The following PTPRN2 variants were observed in gnomAD, a reference collection of about 807,000 sequenced individuals.
The protein encoded by PTPRN2 is protein tyrosine phosphatase receptor type N2.
PTPRN2 carries 74 observed loss-of-function variants against 118.8 expected under a neutral mutation model. That is an observed-to-expected ratio of 0.62 (90% CI 0.52 to 0.76). The LOEUF (loss-of-function observed/expected upper bound fraction) is 0.76. Among genes scored for constraint, PTPRN2 ranks in the 30% least tolerant of loss-of-function variants. PTPRN2 has a pLI of 0.00. For missense variants in PTPRN2, 1,481 were observed against 1,394.4 expected, an observed-to-expected ratio of 1.06 and a Z score of -0.99; for synonymous variants, 641 against 608.0, an observed-to-expected ratio of 1.05 and a Z score of -0.80.
At chr7:158,295,169 G>A (rs559993886) in intron 3 of PTPRN2, among the ~76,000 whole-genome samples, 4 of 137,428 alleles carry the variant, frequency 2.9e-5, no homozygotes, top group Admixed American at 1.5e-4. Flanking sequence ...CCCAGACACT[G>A]CACCACATCG....
intron 3 of PTPRN2, among the ~76,000 whole-genome samples, chr7:158,249,928 C>A (rs2150889189): frequency 6.6e-6 from 1 of 152,292 alleles, no homozygotes; most frequent in East Asian, 1.9e-4. Flanking sequence ...ATAAATGCAT[C>A]TGAGTGTAAT....
intron 1 of PTPRN2, among the ~76,000 whole-genome samples, chr7:158,491,250 C>G (rs929181160): frequency 1.3e-5 from 2 of 152,220 alleles, no homozygotes; most frequent in South Asian, 2.1e-4. Context: ...GCTTCACGAG[C>G]CTTCCACAGT....
rs1463821817 is a variant in PTPRN2 at position 157,571,471 on chromosome 7, C to T, written c.2806G>A (p.Gly936Ser). ...TGAACAATTATTGGACAAGAACGGC[C>T]CCTGTAGCACTTGTTTACTTTTCTG... Reference protein sequence around the residue: ...FRRKVNKCYRGRSCPIIVHCS... With the variant: ...FRRKVNKCYRSRSCPIIVHCS... Residue 936 changes from glycine (G) to serine (S), a missense_variant, in exon 20 of 23, where the codon GGC becomes AGC. Gly to Ser is a moderately conservative substitution (Grantham distance 56, BLOSUM62 0). Coordinates refer to ENST00000389418, the MANE Select transcript of PTPRN2 (RefSeq NM_002847.5). The T allele has an allele frequency of 2.5e-6, 4 of 1,609,378 alleles. No individual in the cohort carries two copies. Among genetic ancestry groups the T allele is most frequent in the Non-Finnish European group, 2.5e-6 (3 of 1,177,486 alleles).
At chr7:158,035,739 T>C (rs1221858577) in intron 11 of PTPRN2, among the ~76,000 whole-genome samples, 1 of 152,244 alleles carries the variant, frequency 6.6e-6, no homozygotes, top group African/African-American at 2.4e-5. Flanking sequence ...AAAATACTCA[T>C]ATATCTAACA....
chr7:158,056,060 T>C (rs1809762916), intron 11 of PTPRN2, among the ~76,000 whole-genome samples: 1 of 152,118 alleles, frequency 6.6e-6, no homozygotes, highest in African/African-American at 2.4e-5. Context: ...CTTGCTGCTT[T>C]TTTCAGTCTG....
chr7:158,310,930 G>T (rs1169982013), intron 3 of PTPRN2, among the ~76,000 whole-genome samples: 1 of 152,224 alleles, frequency 6.6e-6, no homozygotes, highest in Non-Finnish European at 1.5e-5. Context: ...ACACCCACCT[G>T]TGCTCACCAG....
chr7:158,102,117 C>A (rs984584978), intron 10 of PTPRN2, among the ~76,000 whole-genome samples: 13 of 152,138 alleles, frequency 8.5e-5, no homozygotes, highest in African/African-American at 3.1e-4. Context: ...CCAGGCAGCC[C>A]TCAGCCCACG....
chr7:158,338,608 C>A, intron 2 of PTPRN2, among the ~76,000 whole-genome samples: 2 of 44,696 alleles, frequency 4.5e-5, no homozygotes, highest in South Asian at 1.0e-3. Context: ...AGCTGAGGCC[C>A]ACAGAGGACA....
intron 11 of PTPRN2, among the ~76,000 whole-genome samples, chr7:158,068,519 A>G (rs925116942): frequency 2.6e-5 from 4 of 152,250 alleles, no homozygotes; most frequent in Non-Finnish European, 5.9e-5. Flanking sequence ...ATGGGCCTGC[A>G]TTGGTACGGC....
chr7:158,197,024 A>ATGTATG (rs1379044959), intron 4 of PTPRN2, among the ~76,000 whole-genome samples: 1 of 152,160 alleles, frequency 6.6e-6, no homozygotes, highest in Non-Finnish European at 1.5e-5. Flanking sequence ...ATGTATATAC[A>ATGTATG]TGTATGTGTG....
intron 2 of PTPRN2, among the ~76,000 whole-genome samples, chr7:158,461,170 A>AT (rs776467880): frequency 4.9e-4 from 75 of 152,136 alleles, no homozygotes; most frequent in Non-Finnish European, 9.0e-4. Context: ...CCAGTCTTTC[A>AT]TTTTTTTCTT....
intron 11 of PTPRN2, among the ~76,000 whole-genome samples, chr7:158,020,926 C>T (rs1806830072): frequency 6.6e-6 from 1 of 152,192 alleles, no homozygotes; most frequent in African/African-American, 2.4e-5. Context: ...CCGGAGCCCC[C>T]TCTATAGAGG....
chr7:158,007,754 G>A (rs1805731941), intron 11 of PTPRN2, among the ~76,000 whole-genome samples: 1 of 151,936 alleles, frequency 6.6e-6, no homozygotes, highest in Non-Finnish European at 1.5e-5. Flanking sequence ...GTGTGTGGCT[G>A]TGCTATGTGT....
At chr7:157,825,598 A>C (rs1386932235) in intron 12 of PTPRN2, among the ~76,000 whole-genome samples, 3 of 152,202 alleles carry the variant, frequency 2.0e-5, no homozygotes, top group African/African-American at 4.8e-5. Context: ...ACCTTTGAAC[A>C]ATGAAGGCTC....
chr7:157,940,073 C>T (rs551723879), intron 11 of PTPRN2, among the ~76,000 whole-genome samples: 2 of 152,120 alleles, frequency 1.3e-5, no homozygotes, highest in Non-Finnish European at 2.9e-5. Context: ...GAGAGGCCCC[C>T]GTTGGTATGA....
rs1563073205 is a variant in PTPRN2 at position 158,273,664 on chromosome 7, C to CAG, written c.277+43154_277+43155insCT. Among the ~76,000 whole-genome samples, 7 of 82,162 alleles carry CAG rather than the reference C, an allele frequency of 8.5e-5. 1 individual carries two copies. Among genetic ancestry groups the CAG allele is most frequent in the Admixed American group, 2.4e-4 (2 of 8,364 alleles). 53.9% of individuals were successfully genotyped at this position (82,162 alleles called of 152,430 possible). A position where few individuals can be genotyped will look rare whatever the true frequency, so the allele number is the denominator to read the frequency against. ...AGACAGACATGGGAGGAGCCGCAGA[C>CAG]ACGGGAGGAGCCGCAGACACAGGGA... On this transcript the variant is annotated intron_variant, in intron 3 of 22. Transcript: ENST00000389418.
chr7:158,076,226 C>T (rs758858819), intron 11 of PTPRN2, among the ~76,000 whole-genome samples: 5 of 152,246 alleles, frequency 3.3e-5, no homozygotes, highest in Non-Finnish European at 5.9e-5. Flanking sequence ...TGTCTTGCTC[C>T]AATCTCTTAA....
chr7:158,025,692 C>T (rs1208189417), intron 11 of PTPRN2, among the ~76,000 whole-genome samples: 1 of 152,182 alleles, frequency 6.6e-6, no homozygotes, highest in Non-Finnish European at 1.5e-5. Flanking sequence ...GATTTAGAAG[C>T]AGAAACATAA....
At chr7:157,968,808 A>G (rs1802119284) in intron 11 of PTPRN2, among the ~76,000 whole-genome samples, 2 of 152,208 alleles carry the variant, frequency 1.3e-5, no homozygotes, top group African/African-American at 4.8e-5. Context: ...CTGAAAAAAA[A>G]GAGTGAGAGA....
Sources: gnomAD v4.1 joint callset for allele counts (sites outside exome capture counted in the v4.1 genomes callset) on GRCh38, gnomAD v4.1.1 for gene constraint, MANE v1.5 for transcripts, NCBI Gene and HGNC (gene_info 2026-07-23, HGNC 2026-07-21) for gene names.